Variants in CD226 observed in about 807,000 individuals in gnomAD.
CD226 encodes CD226 molecule.
A neutral mutation model predicts 34.9 loss-of-function variants in CD226; 24 were observed. The ratio of observed to expected loss-of-function variants is 0.69; its 90% confidence interval spans 0.50 to 0.97. The LOEUF (loss-of-function observed/expected upper bound fraction) is 0.97, where lower values mean the gene tolerates loss of function less well. Ranked by LOEUF, CD226 falls within the 50% of genes least tolerant of loss-of-function variation. CD226 has a pLI of 0.00. For missense variants in CD226, 397 were observed against 412.7 expected, an observed-to-expected ratio of 0.96 and a Z score of 0.33; for synonymous variants, 148 against 147.4, an observed-to-expected ratio of 1.00 and a Z score of -0.03.
At chr18:69,867,514 TC>T in intron 4 of CD226, 103 bp from the exon 5 acceptor site, 2 of 715,916 alleles carry the variant, frequency 2.8e-6, no homozygotes, top group Non-Finnish European at 4.9e-6. Flanking sequence ...ACATGCACCT[TC>T]TAATATGTTG....
intron 2 of CD226, among the ~76,000 whole-genome samples, chr18:69,935,086 CAAAGAT>C (rs1345458195): frequency 1.3e-5 from 2 of 152,298 alleles, no homozygotes; most frequent in Admixed American, 6.5e-5. Context: ...AGCATTAACT[CAAAGAT>C]AAAGCCACAG....
Position 69,893,261 on chromosome 18 carries a change from C to A in CD226, c.727+2440G>T, listed in dbSNP as rs116775017. Among the ~76,000 whole-genome samples, 1,295 of 152,334 alleles carry A rather than the reference C, an allele frequency of 8.5e-3. 15 individuals carry two copies. The highest frequency in any genetic ancestry group is 0.029 in the African/African-American group (1,218 of 41,572). ...ACTGTTCAAAACACATGGACACTAA[C>A]ACTACTGACCATTACATTTAGTCAT... On this transcript the variant is annotated intron_variant, in intron 3 of 5. Coordinates refer to ENST00000582621, the MANE Select transcript of CD226 (RefSeq NM_001303618.2).
intron 3 of CD226, among the ~76,000 whole-genome samples, chr18:69,875,357 C>T (rs1417407694): frequency 1.3e-5 from 2 of 152,080 alleles, no homozygotes. Flanking sequence ...AGGCTGGTCT[C>T]GAACTCCTGA....
In CD226 at chr18:69,863,916, A is replaced by G. The variant is rs576142392; in HGVS notation, c.*398T>C. The G allele has an allele frequency of 1.3e-5, 2 of 155,674 alleles. No individual in the cohort carries two copies. Among genetic ancestry groups the G allele is most frequent in the South Asian group, 2.0e-4 (1 of 4,894 alleles). 9.6% of individuals were successfully genotyped at this position (155,674 alleles called of 1,614,324 possible). Reference sequence around the variant, plus strand: ...CCAAGAGTTGGCAGCCATCTTGCCAACACAAGAGGAAAGCCTGCATGAGAG... The same window carrying G: ...CCAAGAGTTGGCAGCCATCTTGCCAGCACAAGAGGAAAGCCTGCATGAGAG... On this transcript the variant is annotated 3_prime_UTR_variant, in exon 6 of 6. Coordinates refer to ENST00000582621, the MANE Select transcript of CD226 (RefSeq NM_001303618.2).
intron 2 of CD226, among the ~76,000 whole-genome samples, chr18:69,921,913 G>A (rs933690135): frequency 1.3e-5 from 2 of 151,674 alleles, no homozygotes; most frequent in African/African-American, 4.8e-5. Context: ...GTTTCTTTTG[G>A]TAGAAATTAA....
intron 3 of CD226, among the ~76,000 whole-genome samples, chr18:69,878,690 C>T (rs899686421): frequency 2.6e-5 from 4 of 152,178 alleles, no homozygotes; most frequent in Non-Finnish European, 4.4e-5. Flanking sequence ...CCACCTCACA[C>T]CTTTTTGAAT....
Position 69,854,541 on chromosome 18 carries a change from C to T in CD226, c.*9773G>A, listed in dbSNP as rs563068488. On this transcript the variant is annotated 3_prime_UTR_variant, in exon 6 of 6. Coordinates refer to ENST00000582621, the MANE Select transcript of CD226 (RefSeq NM_001303618.2). The stretch of plus-strand genomic sequence containing the variant: ...CATCCATTGAGAAATAAGCCATGAA[C>T]CTTCTTGGTAACAAAGATGGAAAGG... The T allele has an allele frequency of 2.0e-5, 3 of 152,354 alleles. No homozygotes were observed. The highest frequency in any genetic ancestry group is 7.2e-5 in the African/African-American group (3 of 41,550). 9.4% of individuals were successfully genotyped at this position (152,354 alleles called of 1,614,324 possible). A position where few individuals can be genotyped will look rare whatever the true frequency, so the allele number is the denominator to read the frequency against.
chr18:69,887,958 C>T (rs1026334499), intron 3 of CD226, among the ~76,000 whole-genome samples: 47 of 152,114 alleles, frequency 3.1e-4, no homozygotes, highest in African/African-American at 1.1e-3. Flanking sequence ...CAAAGATATA[C>T]TTCTACTTAT....
chr18:69,875,759 C>G (rs1180354048), intron 3 of CD226, among the ~76,000 whole-genome samples: 2 of 152,072 alleles, frequency 1.3e-5, no homozygotes, highest in African/African-American at 4.8e-5. Flanking sequence ...CTGCCATTTG[C>G]GACAGCATGG....
intron 3 of CD226, among the ~76,000 whole-genome samples, chr18:69,891,559 G>A (rs565837832): frequency 2.6e-4 from 39 of 152,088 alleles, no homozygotes; most frequent in Non-Finnish European, 4.0e-4. Flanking sequence ...TCTGTTTGCC[G>A]ATGACATAAT....
Position 69,880,344 on chromosome 18 carries a change from GAAA to G in CD226, c.728-7101_728-7099del, listed in dbSNP as rs879664503. Among the ~76,000 whole-genome samples, 779 of 73,516 alleles carry G rather than the reference GAAA, an allele frequency of 0.011. 30 individuals are homozygous for G. The East Asian group carries it at 0.26, about 25-fold the overall frequency. The allele number at this position is 73,516 out of a possible 152,430, so 48.2% of individuals were successfully genotyped here. ...AAAAAGAAAGAGAGAAAGAAAGAAA[GAAA>G]GAAAGAAAGAAAGGAAGGAAGGAAG... On this transcript the variant is annotated intron_variant, in intron 3 of 5. Coordinates refer to ENST00000582621, the MANE Select transcript of CD226 (RefSeq NM_001303618.2).
upstream of CD226, among the ~76,000 whole-genome samples, chr18:69,952,659 CA>C (rs1215871023): frequency 1.3e-5 from 2 of 152,218 alleles, no homozygotes; most frequent in South Asian, 2.1e-4. Flanking sequence ...AGAATAAGCA[CA>C]GGGGTAAATT....
intron 2 of CD226, among the ~76,000 whole-genome samples, chr18:69,908,202 C>T (rs138118569): frequency 6.6e-6 from 1 of 152,296 alleles, no homozygotes; most frequent in African/African-American, 2.4e-5. Context: ...TATAAACTGT[C>T]GTGTTTTCTA....
chr18:69,872,066 G>GTGTGTGTGTGTT (rs1272905826), intron 4 of CD226, among the ~76,000 whole-genome samples: 1 of 150,922 alleles, frequency 6.6e-6, no homozygotes, highest in African/African-American at 2.4e-5. Context: ...GGGTGTGTGT[G>GTGTGTGTGTGTT]TGTGTGTGTG....
In CD226 at chr18:69,879,936, G is replaced by A. The variant is rs140259964; in HGVS notation, c.728-6690C>T. ...AAGAAGAACCAAGCTGGGTTTATACGGAATTGTACGTGAGATGGCACACAG... is the reference window on the plus strand; with the variant it reads ...AAGAAGAACCAAGCTGGGTTTATACAGAATTGTACGTGAGATGGCACACAG... On this transcript the variant is annotated intron_variant, in intron 3 of 5. Coordinates refer to ENST00000582621, the MANE Select transcript of CD226 (RefSeq NM_001303618.2). Among the ~76,000 whole-genome samples, 127 of 152,316 alleles carry A rather than the reference G, an allele frequency of 8.3e-4. 4 individuals are homozygous for A. In the East Asian group the frequency reaches 0.02, roughly 24 times the overall value.
chr18:69,927,363 TACACAC>T (rs147765877), intron 2 of CD226, among the ~76,000 whole-genome samples: 7,447 of 147,610 alleles, frequency 0.05, 630 homozygotes, highest in African/African-American at 0.17. Flanking sequence ...ACTAAGACAC[TACACAC>T]ACACACACAC....
intron 2 of CD226, among the ~76,000 whole-genome samples, chr18:69,901,844 A>AGC (rs1568181977): frequency 4.0e-5 from 6 of 151,172 alleles, no homozygotes; most frequent in Non-Finnish European, 7.4e-5. Flanking sequence ...GCACCACTGC[A>AGC]CTCCAGCCTG....
rs375123705 is a variant in CD226, at chr18:69,915,714, C to T, written c.383-19669G>A. Among the ~76,000 whole-genome samples the T allele has an allele frequency of 3.2e-4, 49 of 152,202 alleles. No individual in the cohort carries two copies. In the South Asian group the frequency reaches 8.9e-3, roughly 28 times the overall value. On this transcript the variant is annotated intron_variant, in intron 2 of 5. Transcript: ENST00000582621. ...TTCCCCTGCATAGTACGCACTTCCC[C>T]GAAGTCTGCAATTTAATTTCCACCT... is the stretch of plus-strand genomic sequence containing the variant.
intron 2 of CD226, among the ~76,000 whole-genome samples, chr18:69,931,608 C>G (rs2055590223): frequency 6.6e-6 from 1 of 152,158 alleles, no homozygotes; most frequent in Admixed American, 6.5e-5. Context: ...GAAACTTTGA[C>G]AAAGCAAGTA....
Sources: gnomAD v4.1 joint callset for allele counts (sites outside exome capture counted in the v4.1 genomes callset) on GRCh38, gnomAD v4.1.1 for gene constraint, MANE v1.5 for transcripts, NCBI Gene and HGNC (gene_info 2026-07-23, HGNC 2026-07-21) for gene names.